The following NCLN variants were observed in gnomAD, a reference collection of about 807,000 sequenced individuals.
NCLN encodes the protein BOS complex subunit NCLN.
In NCLN, 34 loss-of-function variants were observed where a neutral mutation model predicts 69.5. The ratio of observed to expected loss-of-function variants is 0.49; its 90% CI spans 0.37 to 0.65. The LOEUF (loss-of-function observed/expected upper bound fraction) is 0.65, where lower values mean the gene tolerates loss of function less well. Among genes scored for constraint, NCLN ranks in the 30% least tolerant of loss-of-function variants. The pLI is 0.00. For synonymous variants in NCLN, 393 were observed against 358.3 expected, an observed-to-expected ratio of 1.10 and a Z score of -1.09; for missense variants, 710 against 804.8, an observed-to-expected ratio of 0.88 and a Z score of 1.42.
intron 1 of NCLN, among the ~76,000 whole-genome samples, chr19:3,189,632 G>A (rs1319827207): frequency 6.6e-6 from 1 of 152,262 alleles, no homozygotes; most frequent in Non-Finnish European, 1.5e-5. Context: ...TCCACCACAA[G>A]TGGTCTCAGC....
intron 8 of NCLN, 35 bp downstream of exon 8, chr19:3,204,179 T>C: frequency 6.1e-6 from 9 of 1,482,962 alleles, no homozygotes; most frequent in Non-Finnish European, 8.0e-6. Flanking sequence ...TCCGGAGCTC[T>C]GCGGAGCACA....
chr19:3,191,428 G>A (rs1451061565), intron 1 of NCLN, among the ~76,000 whole-genome samples: 1 of 152,200 alleles, frequency 6.6e-6, no homozygotes, highest in Non-Finnish European at 1.5e-5. Context: ...TCGCCCCAGA[G>A]ACACCATAGC....
At position 3,203,111 on chromosome 19, in the gene NCLN, G is replaced by A. The variant is rs557741301; in HGVS notation, c.801-645G>A. On this transcript the variant is annotated intron_variant, in intron 6 of 14. Transcript: ENST00000246117. ...CAGGTGGATCACCTGTCAGGAGTTC[G>A]AGACCTGCCTAACGTGTTGAAACCC... is the stretch of plus-strand genomic sequence containing the variant. Among the ~76,000 whole-genome samples the A allele has an allele frequency of 3.3e-5, 5 of 152,018 alleles. No individual in the cohort carries two copies. The South Asian group carries it at 6.2e-4, about 19-fold the overall frequency.
rs186591155 is a variant in NCLN at position 3,198,698 on chromosome 19, C to A, written c.616-119C>A. On this transcript the variant is annotated intron_variant, in intron 4 of 14. Transcript: ENST00000246117. The stretch of plus-strand genomic sequence containing the variant: ...CTCCTGTGGTCCTCAGTGCTGAGGC[C>A]GATGCTGGCACCCAGCGGACGGGCC... 2.4e-3 allele frequency: 1,773 copies of A among 723,802 alleles called. 5 individuals carry two copies. The highest frequency in any genetic ancestry group is 3.3e-3 in the Non-Finnish European group (1,500 of 454,792). 44.8% of individuals were successfully genotyped at this position (723,802 alleles called of 1,614,324 possible). A position where few individuals can be genotyped will look rare whatever the true frequency, so the allele number is the denominator to read the frequency against.
chr19:3,186,672 G>C (rs1473494715), intron 1 of NCLN, among the ~76,000 whole-genome samples: 1 of 152,222 alleles, frequency 6.6e-6, no homozygotes, highest in Non-Finnish European at 1.5e-5. Context: ...GAGACCATCT[G>C]GTTGGTCTCT....
At chr19:3,196,400 C>G (rs1915956328) in intron 4 of NCLN, 123 bp downstream of exon 4, 2 of 697,678 alleles carry the variant, frequency 2.9e-6, no homozygotes, top group South Asian at 2.0e-5. Context: ...GGATCGCCCC[C>G]CTGCCTGGCT....
rs1175877395 is a variant in NCLN at position 3,204,039 on chromosome 19, G to A, written c.924G>A (p.Val308=). Residue 308 remains valine, a synonymous_variant, in exon 8 of 15, where the codon GTG becomes GTA. Transcript: ENST00000246117. ...SSLLQDNVAF[V]LCLDTVGRGS... ...TGCTTCAGGACAATGTGGCCTTCGTGCTGTGCCTGGACACCGTGGGCCGGG... is the reference window on the plus strand; with the variant it reads ...TGCTTCAGGACAATGTGGCCTTCGTACTGTGCCTGGACACCGTGGGCCGGG... 5.1e-6 allele frequency: 8 copies of A among 1,575,276 alleles called. No individual in the cohort carries two copies. The highest frequency in any genetic ancestry group is 6.0e-6 in the Non-Finnish European group (7 of 1,160,478).
chr19:3,204,082 C>A lies in NCLN; in HGVS notation c.967C>A (p.His323Asn). The change falls in exon 8 of 15, where the codon CAC (histidine) becomes AAC (asparagine). Residue 323 changes from histidine (H) to asparagine (N), a missense_variant. Coordinates refer to ENST00000246117, the MANE Select transcript of NCLN (RefSeq NM_020170.4). The stretch of plus-strand genomic sequence containing the variant: ...GGGCCGGGGCAGCAGCCTGCACCTG[C>A]ACGTGTCCAAGCCGCCTCGGGAGGG... ...TVGRGSSLHL[H>N]VSKPPREGTL... The A allele has an allele frequency of 6.5e-7, 1 of 1,548,074 alleles. No individual in the cohort carries two copies.
chr19:3,193,879 G>A (rs183981134), intron 3 of NCLN, among the ~76,000 whole-genome samples: 6 of 152,268 alleles, frequency 3.9e-5, no homozygotes, highest in African/African-American at 1.4e-4. Flanking sequence ...CGGGGGCCCT[G>A]GCAGCGAACT....
intron 4 of NCLN, among the ~76,000 whole-genome samples, chr19:3,198,506 C>CA (rs770959188): frequency 0.025 from 1,878 of 76,362 alleles, 24 homozygotes; most frequent in Middle Eastern, 0.036. Flanking sequence ...GATTCCGTCT[C>CA]AAAAAAAAAA....
chr19:3,204,793 C>CT, intron 9 of NCLN, 42 bp downstream of exon 9: 1 of 1,395,270 alleles, frequency 7.2e-7, no homozygotes, highest in African/African-American at 1.5e-5. Flanking sequence ...TAGGGCTTTC[C>CT]TGGGGGCTGA....
chr19:3,204,230 C>G, intron 8 of NCLN, 86 bp downstream of exon 8: 2 of 1,413,454 alleles, frequency 1.4e-6, no homozygotes, highest in Non-Finnish European at 1.9e-6. Flanking sequence ...CCAGGGTGTC[C>G]TTGCTGTCCG....
At position 3,204,143 on chromosome 19, in the gene NCLN, C is replaced by T. The variant is rs771879112; in HGVS notation, c.1028C>T (p.Thr343Met). 15 of 1,507,994 alleles carry T rather than the reference C, an allele frequency of 9.9e-6. No homozygotes were observed. Among genetic ancestry groups the T allele is most frequent in the Middle Eastern group, 3.6e-4 (2 of 5,576 alleles). 93.4% of individuals were successfully genotyped at this position (1,507,994 alleles called of 1,614,324 possible). The change falls in exon 8 of 15, where the codon ACG (threonine) becomes ATG (methionine). Residue 343 changes from threonine to methionine, a missense_variant and splice_region_variant. By Grantham distance (81) the Thr-to-Met change is moderately conservative. Transcript: ENST00000246117. ...CACGCCTTCCTGCGGGAGCTGGAGA[C>T]GGTGGGTGCCCCTTTCATGGATGGG... is the stretch of plus-strand genomic sequence containing the variant. ...LQHAFLRELETVAAHQFPEVR... is the reference protein window; with the variant it reads ...LQHAFLRELEMVAAHQFPEVR...
At chr19:3,189,004 C>G (rs889189122) in intron 1 of NCLN, among the ~76,000 whole-genome samples, 5 of 152,244 alleles carry the variant, frequency 3.3e-5, no homozygotes, top group Admixed American at 6.5e-5. Flanking sequence ...CTTTCACCCC[C>G]GGGCCCACTA....
intron 3 of NCLN, among the ~76,000 whole-genome samples, chr19:3,193,744 G>A (rs1387769422): frequency 6.6e-6 from 1 of 152,194 alleles, no homozygotes; most frequent in Non-Finnish European, 1.5e-5. Flanking sequence ...TGAAACACAC[G>A]GGCATCTGTT....
intron 13 of NCLN, 49 bp from the exon 14 acceptor site, chr19:3,207,342 T>G: frequency 6.2e-7 from 1 of 1,612,686 alleles, no homozygotes; most frequent in Non-Finnish European, 8.5e-7. Context: ...GGGGTTCATG[T>G]TACTGCCGCG....
rs1471666318 is a variant in NCLN at position 3,199,800 on chromosome 19, A to C, written c.696+903A>C. The stretch of plus-strand genomic sequence containing the variant: ...ACTGCAACCTCTGCCTCCTGGGTTT[A>C]AGCGATTCTCCTGCCTCAGTCTCCC... On this transcript the variant is annotated intron_variant, in intron 5 of 14. Transcript: ENST00000246117. Among the ~76,000 whole-genome samples, 10 of 144,084 alleles carry C rather than the reference A, an allele frequency of 6.9e-5. No individual in the cohort carries two copies. The East Asian group carries it at 2.2e-3, about 32-fold the overall frequency. The allele number at this position is 144,084 out of a possible 152,430, so 94.5% of individuals were successfully genotyped here. A position where few individuals can be genotyped will look rare whatever the true frequency, so the allele number is the denominator to read the frequency against.
At chr19:3,196,732 G>C (rs984868288) in intron 4 of NCLN, among the ~76,000 whole-genome samples, 1 of 152,230 alleles carries the variant, frequency 6.6e-6, no homozygotes, top group African/African-American at 2.4e-5. Flanking sequence ...GTGGGGAGCT[G>C]CCGGTGCGGA....
intron 6 of NCLN, among the ~76,000 whole-genome samples, chr19:3,201,975 A>G (rs1916136919): frequency 1.3e-5 from 2 of 152,084 alleles, no homozygotes. Context: ...CGTCCTGGGC[A>G]CTGCAGGGCG....
Sources: gnomAD v4.1 joint callset for allele counts (sites outside exome capture counted in the v4.1 genomes callset) on GRCh38, gnomAD v4.1.1 for gene constraint, MANE v1.5 for transcripts, NCBI Gene and HGNC (gene_info 2026-07-23, HGNC 2026-07-21) for gene names.